The following CACNA1C variants were observed in gnomAD, a reference collection of about 807,000 sequenced individuals.
CACNA1C encodes voltage-dependent L-type calcium channel subunit alpha-1C.
Under a neutral mutation model 229.0 loss-of-function variants are expected in CACNA1C, and 30 were observed. The observed-to-expected ratio is 0.13, with a 90% CI of 0.10 to 0.18. CACNA1C has a LOEUF of 0.18. CACNA1C is among the 10% of genes least tolerant of loss of function. The pLI, the probability that CACNA1C is intolerant of heterozygous loss-of-function variation, is 1.00. For missense variants in CACNA1C, 1,658 were observed against 2,845.0 expected (o/e 0.58, Z 9.49); for synonymous variants, 1,114 against 1,132.5 (o/e 0.98, Z 0.33).
intron 13 of CACNA1C, among the ~76,000 whole-genome samples, chr12:2,571,093 C>CATGAGG (rs1484129987): frequency 6.6e-6 from 1 of 152,212 alleles, no homozygotes; most frequent in Non-Finnish European, 1.5e-5. Context: ...CAAGTACCTA[C>CATGAGG]ATGAGGATGA....
At chr12:2,491,432 AGAAG>A (rs2099730761) in intron 6 of CACNA1C, among the ~76,000 whole-genome samples, 1 of 151,922 alleles carries the variant, frequency 6.6e-6, no homozygotes, top group Admixed American at 6.6e-5. Flanking sequence ...GGAGAGGAGA[AGAAG>A]GAGGAGGAGG....
chr12:2,325,621 T>C (rs1357345535), intron 3 of CACNA1C, among the ~76,000 whole-genome samples: 4 of 152,254 alleles, frequency 2.6e-5, no homozygotes, highest in Non-Finnish European at 5.9e-5. Context: ...GCACACAAAG[T>C]GCACAGCACA....
intron 3 of CACNA1C, among the ~76,000 whole-genome samples, chr12:2,427,133 C>G (rs557615887): frequency 1.3e-5 from 2 of 152,268 alleles, no homozygotes; most frequent in African/African-American, 4.8e-5. Context: ...ATGTAATGAG[C>G]TAGAGAGTGG....
At chr12:2,131,970 T>C (rs2092326527) in intron 3 of CACNA1C, among the ~76,000 whole-genome samples, 1 of 143,618 alleles carries the variant, frequency 7.0e-6, no homozygotes, top group Non-Finnish European at 1.5e-5. Context: ...TTGTATCCTC[T>C]TTTATTTCCT....
chr12:2,579,054 C>T (rs1253224108), intron 13 of CACNA1C, among the ~76,000 whole-genome samples: 1 of 152,134 alleles, frequency 6.6e-6, no homozygotes, highest in Non-Finnish European at 1.5e-5. Flanking sequence ...ACCTCACCAT[C>T]CCTCTCTGCT....
At chr12:2,300,094 G>A (rs1032084822) in intron 3 of CACNA1C, among the ~76,000 whole-genome samples, 3 of 152,224 alleles carry the variant, frequency 2.0e-5, no homozygotes, top group Admixed American at 2.0e-4. Context: ...GGCAAATCTA[G>A]AGGCTAGTGG....
intron 18 of CACNA1C, among the ~76,000 whole-genome samples, chr12:2,588,305 C>G (rs1490768511): frequency 6.6e-6 from 1 of 152,232 alleles, no homozygotes; most frequent in East Asian, 1.9e-4. Context: ...CATGCAGGTA[C>G]CCCTTAGCAG....
chr12:2,487,481 T>C (rs1014476948), intron 6 of CACNA1C, among the ~76,000 whole-genome samples: 2 of 148,440 alleles, frequency 1.3e-5, no homozygotes, highest in East Asian at 4.0e-4. Context: ...TTTGAGGGCA[T>C]TTCTAGTTTA....
At chr12:2,075,284 T>C (rs1173082917) in intron 1 of CACNA1C, among the ~76,000 whole-genome samples, 1 of 152,184 alleles carries the variant, frequency 6.6e-6, no homozygotes, top group Non-Finnish European at 1.5e-5. Flanking sequence ...GGTGCAGGCA[T>C]GGGACCTGCT....
intron 3 of CACNA1C, among the ~76,000 whole-genome samples, chr12:2,146,781 T>C (rs2094754435): frequency 6.6e-6 from 1 of 151,260 alleles, no homozygotes; most frequent in South Asian, 2.1e-4. Context: ...CTTTCCCCTC[T>C]TTTCTGCAGA....
intron 3 of CACNA1C, among the ~76,000 whole-genome samples, chr12:2,407,718 C>A (rs2098754661): frequency 7.6e-6 from 1 of 132,418 alleles, no homozygotes; most frequent in Non-Finnish European, 1.7e-5. Context: ...CATCATGACC[C>A]AGTGGGAAGG....
chr12:2,424,994 T>C (rs928070991), intron 3 of CACNA1C, among the ~76,000 whole-genome samples: 2 of 152,134 alleles, frequency 1.3e-5, no homozygotes, highest in African/African-American at 4.8e-5. Context: ...GTCTGCACTG[T>C]GGGAGGGAAG....
intron 11 of CACNA1C, among the ~76,000 whole-genome samples, chr12:2,558,675 C>A (rs1400029980): frequency 6.6e-6 from 1 of 152,204 alleles, no homozygotes; most frequent in African/African-American, 2.4e-5. Context: ...TGGGCTTCCC[C>A]GTGGCCATCT....
At chr12:2,589,173 G>T (rs191540742) in intron 18 of CACNA1C, among the ~76,000 whole-genome samples, 1 of 152,308 alleles carries the variant, frequency 6.6e-6, no homozygotes, top group African/African-American at 2.4e-5. Context: ...AGGGACATGG[G>T]GGTCCTTGTT....
chr12:2,636,749 C>T (rs2092764254), intron 30 of CACNA1C, among the ~76,000 whole-genome samples: 1 of 152,228 alleles, frequency 6.6e-6, no homozygotes, highest in Admixed American at 6.5e-5. Context: ...TGTACTGCCA[C>T]TAGCCACGAC....
intron 1 of CACNA1C, among the ~76,000 whole-genome samples, chr12:2,113,767 C>G (rs1184742919): frequency 6.6e-6 from 1 of 152,228 alleles, no homozygotes; most frequent in East Asian, 1.9e-4. Context: ...TTGGGCCAGG[C>G]TGAGCTGATC....
chr12:2,592,666 G>A (rs2065935201), intron 18 of CACNA1C, among the ~76,000 whole-genome samples: 1 of 151,710 alleles, frequency 6.6e-6, no homozygotes, highest in South Asian at 2.1e-4. Flanking sequence ...GCCTGCTGTG[G>A]TCAGTAGTAT....
At chr12:2,690,483 C>T (rs1337867847) in intron 46 of CACNA1C, among the ~76,000 whole-genome samples, 1 of 152,204 alleles carries the variant, frequency 6.6e-6, no homozygotes, top group South Asian at 2.1e-4. Context: ...GTGTGCATCA[C>T]CACACCCAGC....
intron 3 of CACNA1C, among the ~76,000 whole-genome samples, chr12:2,326,442 C>T (rs11835170): frequency 0.032 from 4,820 of 152,314 alleles, 174 homozygotes; most frequent in African/African-American, 0.082. Flanking sequence ...GGAGACCACA[C>T]TTTGAGAAGT....
Sources: gnomAD v4.1 joint callset for allele counts (sites outside exome capture counted in the v4.1 genomes callset) on GRCh38, gnomAD v4.1.1 for gene constraint, MANE v1.5 for transcripts, NCBI Gene and HGNC (gene_info 2026-07-23, HGNC 2026-07-21) for gene names.